The following PANK4 variants were observed in gnomAD, a reference collection of about 807,000 sequenced individuals.
PANK4 encodes 4'-phosphopantetheine phosphatase.
A neutral mutation model predicts 87.9 loss-of-function variants in PANK4; 40 were observed. The ratio of observed to expected loss-of-function variants is 0.46; its 90% CI spans 0.35 to 0.59. The LOEUF (loss-of-function observed/expected upper bound fraction) is 0.59, where lower values mean the gene tolerates loss of function less well. Among genes scored for constraint, PANK4 ranks in the 20% least tolerant of loss-of-function variants. The pLI, the probability that PANK4 is intolerant of heterozygous loss-of-function variation, is 0.00. For missense variants in PANK4, 926 were observed against 1,072.3 expected, an observed-to-expected ratio of 0.86 and a Z score of 1.90; for synonymous variants, 524 against 467.4, an observed-to-expected ratio of 1.12 and a Z score of -1.56.
At position 2,520,096 on chromosome 1, in the gene PANK4, G is replaced by A. The variant is rs914572659; in HGVS notation, c.700-142C>T. On this transcript the variant is annotated intron_variant, in intron 5 of 18. Coordinates refer to ENST00000378466, the MANE Select transcript of PANK4 (RefSeq NM_018216.4). This position sits in a 1 kb window ranked among gnomAD's most constrained non-coding sequence, Gnocchi z 6.2. ...TCGCGTGGGACCAAAGGCAGGAGGC[G>A]GCAAGCGGGACCCTCGGGCCACCCA... 2.7e-5 allele frequency: 24 copies of A among 883,934 alleles called. No homozygotes were observed. Among genetic ancestry groups the A allele is most frequent in the African/African-American group, 2.5e-4 (15 of 59,230 alleles). 54.8% of individuals were successfully genotyped at this position (883,934 alleles called of 1,614,324 possible).
Position 2,515,781 on chromosome 1 carries a change from C to G in PANK4, c.1219-64G>C, listed in dbSNP as rs1318342080. 3 of 1,452,774 alleles carry G rather than the reference C, an allele frequency of 2.1e-6. No homozygotes were observed. Among genetic ancestry groups the G allele is most frequent in the Non-Finnish European group, 2.9e-6 (3 of 1,051,654 alleles). 90.0% of individuals were successfully genotyped at this position (1,452,774 alleles called of 1,614,324 possible). The stretch of plus-strand genomic sequence containing the variant: ...GGTTCAGAACGACCCAAGCCACACT[C>G]AGAAGCTTCCACTCTCTCTCTAAGA... On this transcript the variant is annotated intron_variant, in intron 9 of 18. Transcript: ENST00000378466. This position sits in a 1 kb window ranked among gnomAD's most constrained non-coding sequence, Gnocchi z 5.0.
intron 7 of PANK4, among the ~76,000 whole-genome samples, chr1:2,518,861 G>A (rs951422008): frequency 3.3e-5 from 5 of 152,250 alleles, no homozygotes; most frequent in Admixed American, 6.5e-5. Flanking sequence ...GTGGGTGGGC[G>A]TGCCTCTGCG....
intron 13 of PANK4, chr1:2,512,541 AC>A (rs796150873): frequency 7.5e-5 from 21 of 280,410 alleles, no homozygotes; most frequent in African/African-American, 4.6e-4. Flanking sequence ...TTTGATCATC[AC>A]ATCAGAAATG....
In PANK4 at chr1:2,520,036, G is replaced by A. The variant is rs896211231; in HGVS notation, c.700-82C>T. On this transcript the variant is annotated intron_variant, in intron 5 of 18. Transcript: ENST00000378466. This position sits in a 1 kb window ranked among gnomAD's most constrained non-coding sequence, Gnocchi z 6.2. Reference sequence around the variant, plus strand: ...ACCCCAGAAACCAAGCCCATGGCAGGAGGCACGCGCGGGCAGGGGGTAAAT... The same window carrying A: ...ACCCCAGAAACCAAGCCCATGGCAGAAGGCACGCGCGGGCAGGGGGTAAAT... 6 of 1,361,506 alleles carry A rather than the reference G, an allele frequency of 4.4e-6. No homozygotes were observed. The highest frequency in any genetic ancestry group is 5.9e-6 in the Non-Finnish European group (6 of 1,009,444). 84.3% of individuals were successfully genotyped at this position (1,361,506 alleles called of 1,614,324 possible). A position where few individuals can be genotyped will look rare whatever the true frequency, so the allele number is the denominator to read the frequency against.
rs1329125892 is a variant in PANK4 at position 2,515,756 on chromosome 1, G to A, written c.1219-39C>T. The A allele has an allele frequency of 1.3e-6, 2 of 1,590,120 alleles. No homozygotes were observed. Among genetic ancestry groups the A allele is most frequent in the African/African-American group, 1.3e-5 (1 of 74,396 alleles). On this transcript the variant is annotated intron_variant, in intron 9 of 18. Coordinates refer to ENST00000378466, the MANE Select transcript of PANK4 (RefSeq NM_018216.4). The surrounding 1 kb of genome is among the most constrained non-coding windows in gnomAD (Gnocchi z 5.0). Reference sequence around the variant, plus strand: ...AGTGGCAGGGTGGAAACGTCACCATGGTTCAGAACGACCCAAGCCACACTC... The same window carrying A: ...AGTGGCAGGGTGGAAACGTCACCATAGTTCAGAACGACCCAAGCCACACTC...
chr1:2,517,722 G>C (rs1557443058), intron 9 of PANK4, among the ~76,000 whole-genome samples: 1 of 152,226 alleles, frequency 6.6e-6, no homozygotes. Context: ...CCCGAGGAGA[G>C]CAGACTGTAA....
intron 1 of PANK4, among the ~76,000 whole-genome samples, chr1:2,523,244 G>A (rs113122996): frequency 0.013 from 2,049 of 152,246 alleles, 39 homozygotes; most frequent in African/African-American, 0.047. Flanking sequence ...CTCCTGCCTG[G>A]TGGTGAGGGC....
chr1:2,514,815 T>C (rs540986782), intron 10 of PANK4, among the ~76,000 whole-genome samples: 8 of 152,108 alleles, frequency 5.3e-5, no homozygotes, highest in African/African-American at 1.9e-4. Flanking sequence ...CCCTTTGCCA[T>C]TCGCCCCTCC....
chr1:2,510,829 G>A lies in PANK4; in HGVS notation c.1834-47C>T. 8.8e-7 allele frequency: 1 copy of A among 1,135,318 alleles called. No homozygotes were observed. The highest frequency in any genetic ancestry group is 1.3e-6 in the Non-Finnish European group (1 of 744,608). The allele number at this position is 1,135,318 out of a possible 1,614,324, so 70.3% of individuals were successfully genotyped here. A position where few individuals can be genotyped will look rare whatever the true frequency, so the allele number is the denominator to read the frequency against. ...TTCAGTTGGGAACAGGCGCATCCAA[G>A]CGAGTCAGTCCGCACCCCTGCTGCC... On this transcript the variant is annotated intron_variant, in intron 15 of 18. Coordinates refer to ENST00000378466, the MANE Select transcript of PANK4 (RefSeq NM_018216.4). This position sits in a 1 kb window ranked among gnomAD's most constrained non-coding sequence, Gnocchi z 4.9.
At chr1:2,511,593 C>T in intron 14 of PANK4, 35 bp downstream of exon 14, 2 of 1,511,652 alleles carry the variant, frequency 1.3e-6, no homozygotes, top group Non-Finnish European at 1.8e-6. Context: ...GGCCCCAGCA[C>T]AAGGCAAGGC....
intron 13 of PANK4, 112 bp downstream of exon 13, chr1:2,512,776 A>G: frequency 2.7e-6 from 3 of 1,091,410 alleles, no homozygotes; most frequent in Non-Finnish European, 2.7e-6. Flanking sequence ...CCACCAAGCC[A>G]CCAAGCGCCA....
chr1:2,509,848 G>A lies in PANK4; in HGVS notation c.2108+14C>T. On this transcript the variant is annotated intron_variant, in intron 18 of 18. Transcript: ENST00000378466. The surrounding 1 kb of genome is among the most constrained non-coding windows in gnomAD (Gnocchi z 4.9). ...GCCCAGGAGGGAGAGAACAGGTGCA[G>A]GGTGCGGGGTTACCTGAGGTCGAGG... 1.2e-6 allele frequency: 2 copies of A among 1,608,660 alleles called. No individual in the cohort carries two copies. The highest frequency in any genetic ancestry group is 1.7e-6 in the Non-Finnish European group (2 of 1,177,636).
chr1:2,520,468 TC>T lies in PANK4; in HGVS notation c.607-55del. 1 of 1,471,164 alleles carries T rather than the reference TC, an allele frequency of 6.8e-7. No homozygotes were observed. The highest frequency in any genetic ancestry group is 9.4e-7 in the Non-Finnish European group (1 of 1,060,324). The allele number at this position is 1,471,164 out of a possible 1,614,324, so 91.1% of individuals were successfully genotyped here. On this transcript the variant is annotated intron_variant, in intron 4 of 18. Coordinates refer to ENST00000378466, the MANE Select transcript of PANK4 (RefSeq NM_018216.4). This position sits in a 1 kb window ranked among gnomAD's most constrained non-coding sequence, Gnocchi z 6.2. ...TCAGTGGGCCCTCAGCCACACAGGC[TC>T]CCCCGCCCCCCGCCCCATGTGCTGC...
Position 2,520,407 on chromosome 1 carries a change from G to A in PANK4, c.614C>T (p.Thr205Met), listed in dbSNP as rs140249467. Reference sequence around the variant, plus strand: ...GCCGACCCACTCGAACCTGTCCTCCGTCTCCACCTGCAACAGAGCCAGGGC... The same window carrying A: ...GCCGACCCACTCGAACCTGTCCTCCATCTCCACCTGCAACAGAGCCAGGGC... ...GSGVSIVKVE[T>M]EDRFEWVGGS... The change falls in exon 5 of 19, where the codon ACG (threonine) becomes ATG (methionine). Residue 205 changes from threonine (T) to methionine (M), a missense_variant. Transcript: ENST00000378466. This position sits in a 1 kb window ranked among gnomAD's most constrained non-coding sequence, Gnocchi z 6.2. 1.9e-4 allele frequency: 306 copies of A among 1,612,490 alleles called. No homozygotes were observed. Among genetic ancestry groups the A allele is most frequent in the Non-Finnish European group, 2.5e-4 (293 of 1,179,786 alleles).
rs934639169 is a variant in PANK4, at chr1:2,519,731, A to C, written c.853+70T>G. 38 of 1,421,130 alleles carry C rather than the reference A, an allele frequency of 2.7e-5. No individual in the cohort carries two copies. In the East Asian group the frequency reaches 4.0e-4, roughly 15 times the overall value. 88.0% of individuals were successfully genotyped at this position (1,421,130 alleles called of 1,614,324 possible). Reference sequence around the variant, plus strand: ...GTTGTGGGAAAGCAATGGTGGGGGAAGCTCCTGTCCGTGAGACCCCAAGTG... The same window carrying C: ...GTTGTGGGAAAGCAATGGTGGGGGACGCTCCTGTCCGTGAGACCCCAAGTG... On this transcript the variant is annotated intron_variant, in intron 6 of 18. Transcript: ENST00000378466. This position sits in a 1 kb window ranked among gnomAD's most constrained non-coding sequence, Gnocchi z 8.3.
In PANK4 at chr1:2,526,464, C is replaced by A. The variant is rs1438906892; in HGVS notation, c.124G>T (p.Gly42Cys). ...ENAKRFAIDI[G>C]GSLTKLAYYS... ...CGCCCGGCGCCCGGCCTGCGGCTACCTATGTCGATGGCGAAGCGCTTGGCG... is the reference window on the plus strand; with the variant it reads ...CGCCCGGCGCCCGGCCTGCGGCTACATATGTCGATGGCGAAGCGCTTGGCG... The change falls in exon 1 of 19, where the codon GGC (glycine) becomes TGC (cysteine). Residue 42 changes from glycine (G) to cysteine (C), a missense_variant and splice_region_variant. Physicochemically the swap from Gly to Cys is radical, Grantham distance 159. Coordinates refer to ENST00000378466, the MANE Select transcript of PANK4 (RefSeq NM_018216.4). 1 of 1,543,254 alleles carries A rather than the reference C, an allele frequency of 6.5e-7. No individual in the cohort carries two copies. Among genetic ancestry groups the A allele is most frequent in the Non-Finnish European group, 8.7e-7 (1 of 1,146,394 alleles).
rs1643618116 is a variant in PANK4, at chr1:2,509,177, A to C, written c.2109-117T>G. 2 of 799,708 alleles carry C rather than the reference A, an allele frequency of 2.5e-6. No individual in the cohort carries two copies. Among genetic ancestry groups the C allele is most frequent in the Non-Finnish European group, 3.9e-6 (2 of 508,786 alleles). The allele number at this position is 799,708 out of a possible 1,614,324, so 49.5% of individuals were successfully genotyped here. The stretch of plus-strand genomic sequence containing the variant: ...CCTACCGCTCAATTCCCTGATGTGG[A>C]GGCCTCCAAACCCAGCCTCCGCCTG... On this transcript the variant is annotated intron_variant, in intron 18 of 18. Coordinates refer to ENST00000378466, the MANE Select transcript of PANK4 (RefSeq NM_018216.4). This position sits in a 1 kb window ranked among gnomAD's most constrained non-coding sequence, Gnocchi z 4.9.
At chr1:2,522,231 G>A (rs1266803080) in intron 1 of PANK4, among the ~76,000 whole-genome samples, 1 of 152,234 alleles carries the variant, frequency 6.6e-6, no homozygotes, top group African/African-American at 2.4e-5. Flanking sequence ...GACCGTCCCT[G>A]CTTACAAAGG....
chr1:2,513,547 C>T (rs114439409), intron 12 of PANK4, among the ~76,000 whole-genome samples: 2,013 of 152,314 alleles, frequency 0.013, 41 homozygotes, highest in African/African-American at 0.046. Flanking sequence ...CGGCCCTGCA[C>T]GTTGCCGGGA....
Sources: gnomAD v4.1 joint callset for allele counts (sites outside exome capture counted in the v4.1 genomes callset) on GRCh38, gnomAD v4.1.1 for gene constraint, Gnocchi (gnomAD v3.1) non-coding constraint, MANE v1.5 for transcripts, NCBI Gene and HGNC (gene_info 2026-07-23, HGNC 2026-07-21) for gene names.